Variants in EXOC4 observed in about 807,000 individuals in gnomAD.
EXOC4 encodes the protein SEC8-like 1.
In EXOC4, 71 loss-of-function variants were observed where a neutral mutation model predicts 107.2. That is an observed-to-expected ratio of 0.66 (90% CI 0.55 to 0.81). The LOEUF (loss-of-function observed/expected upper bound fraction) is 0.81, where lower values mean the gene tolerates loss of function less well. Ranked by LOEUF, EXOC4 falls within the 30% of genes least tolerant of loss-of-function variation. The pLI is 0.00. For missense variants in EXOC4, 1,108 were observed against 1,189.6 expected (o/e 0.93, Z 1.01); for synonymous variants, 456 against 441.2 (o/e 1.03, Z -0.42).
chr7:133,767,454 TACAC>T (rs1255206344), intron 10 of EXOC4, among the ~76,000 whole-genome samples: 2 of 151,634 alleles, frequency 1.3e-5, no homozygotes, highest in Admixed American at 6.6e-5. Flanking sequence ...CACACACACA[TACAC>T]ACACACCCCT....
chr7:133,393,615 A>T (rs1298119977), intron 7 of EXOC4, among the ~76,000 whole-genome samples: 2 of 152,120 alleles, frequency 1.3e-5, no homozygotes, highest in Non-Finnish European at 2.9e-5. Flanking sequence ...TCATGAATGG[A>T]ATTAGTGCCC....
intron 7 of EXOC4, among the ~76,000 whole-genome samples, chr7:133,393,663 T>G (rs1037592298): frequency 6.6e-6 from 1 of 152,188 alleles, no homozygotes; most frequent in Non-Finnish European, 1.5e-5. Context: ...TCGACAGTTC[T>G]GCCACGTGGG....
At chr7:133,715,817 C>G (rs1375998183) in intron 10 of EXOC4, among the ~76,000 whole-genome samples, 1 of 152,082 alleles carries the variant, frequency 6.6e-6, no homozygotes, top group Non-Finnish European at 1.5e-5. Context: ...CCTTTCACTC[C>G]TAAATTCTCA....
chr7:133,958,258 ATTTCT>A (rs1800862356), intron 14 of EXOC4, among the ~76,000 whole-genome samples: 1 of 104,878 alleles, frequency 9.5e-6, no homozygotes, highest in African/African-American at 3.7e-5. Flanking sequence ...AAGTACTATC[ATTTCT>A]TTTCCTTTTT....
chr7:133,303,764 G>A (rs772847676), intron 3 of EXOC4, among the ~76,000 whole-genome samples: 1 of 152,106 alleles, frequency 6.6e-6, no homozygotes, highest in Non-Finnish European at 1.5e-5. Context: ...TTGGGTCAAG[G>A]AAATATATTC....
chr7:133,384,153 A>G (rs560299129), intron 7 of EXOC4, among the ~76,000 whole-genome samples: 35 of 152,148 alleles, frequency 2.3e-4, no homozygotes, highest in Non-Finnish European at 4.3e-4. Context: ...TAGGGTGTCT[A>G]ATGCATAGTG....
At chr7:133,694,245 G>C (rs1281013261) in intron 10 of EXOC4, among the ~76,000 whole-genome samples, 1 of 131,246 alleles carries the variant, frequency 7.6e-6, no homozygotes, top group Non-Finnish European at 1.6e-5. Flanking sequence ...TGGCAACAGA[G>C]TGAGATTCCT....
At chr7:133,769,130 C>T (rs1395866173) in intron 10 of EXOC4, among the ~76,000 whole-genome samples, 1 of 151,940 alleles carries the variant, frequency 6.6e-6, no homozygotes, top group African/African-American at 2.4e-5. Context: ...CGTGCAAATG[C>T]AGGTAAAGAG....
chr7:133,866,806 C>G (rs974397268), intron 11 of EXOC4, among the ~76,000 whole-genome samples: 1 of 152,144 alleles, frequency 6.6e-6, no homozygotes, highest in African/African-American at 2.4e-5. Flanking sequence ...ATCTATGCAT[C>G]CATTGTGAAG....
At chr7:133,402,242 TA>T (rs775063223) in intron 7 of EXOC4, among the ~76,000 whole-genome samples, 2 of 152,366 alleles carry the variant, frequency 1.3e-5, no homozygotes, top group East Asian at 3.9e-4. Flanking sequence ...TAATTGCCAT[TA>T]AGTACCCACG....
intron 5 of EXOC4, among the ~76,000 whole-genome samples, chr7:133,332,213 G>A (rs1407232894): frequency 3.9e-5 from 6 of 151,994 alleles, no homozygotes; most frequent in Non-Finnish European, 7.4e-5. Flanking sequence ...TTTTCTTTTG[G>A]GTACAAGCAT....
chr7:133,911,457 A>T (rs755654760), intron 12 of EXOC4, among the ~76,000 whole-genome samples: 1 of 152,202 alleles, frequency 6.6e-6, no homozygotes, highest in Admixed American at 6.5e-5. Flanking sequence ...ATTGGTGTTC[A>T]TTCCAAATGT....
chr7:133,277,873 C>T (rs952879993), intron 2 of EXOC4, among the ~76,000 whole-genome samples: 5 of 152,146 alleles, frequency 3.3e-5, no homozygotes, highest in African/African-American at 1.2e-4. Flanking sequence ...CTTTTCCTGT[C>T]ATTTTTGGCT....
rs780319592 is a variant in EXOC4, at chr7:133,516,758, A to ATTTTTT, written c.1417+36629_1417+36634dup. Among the ~76,000 whole-genome samples the ATTTTTT allele has an allele frequency of 5.4e-3, 267 of 49,042 alleles. 24 individuals are homozygous for ATTTTTT. The highest frequency in any genetic ancestry group is 0.014 in the African/African-American group (214 of 15,748). The allele number at this position is 49,042 out of a possible 152,430, so 32.2% of individuals were successfully genotyped here. ...TGGGAAACTGCCAAACTAGCTGCTCATTTTTTTTTTTTTTACAGAATTTAT... is the reference window on the plus strand; with the variant it reads ...TGGGAAACTGCCAAACTAGCTGCTCATTTTTTTTTTTTTTTTTTTTACAGAATTTAT... On this transcript the variant is annotated intron_variant, in intron 9 of 17. Coordinates refer to ENST00000253861, the MANE Select transcript of EXOC4 (RefSeq NM_021807.4).
intron 17 of EXOC4, among the ~76,000 whole-genome samples, chr7:134,060,369 G>C (rs1462073462): frequency 6.6e-6 from 1 of 152,222 alleles, no homozygotes; most frequent in Admixed American, 6.5e-5. Flanking sequence ...ATTGACTGCT[G>C]AATATTGTAG....
At position 133,997,519 on chromosome 7, in the gene EXOC4, C is replaced by T. The variant is rs370174933; in HGVS notation, c.2234C>T (p.Thr745Met). Residue 745 changes from threonine (T) to methionine (M), a missense_variant, in exon 15 of 18, where the codon ACG becomes ATG. Transcript: ENST00000253861. ...QMLSPAQDSH[T>M]NTDLPPVSEQ... ...CTTTCTCCTGCTCAAGACAGCCACA[C>T]GAACACGGATCTCCCCCCAGTGTCA... The T allele has an allele frequency of 3.3e-5, 54 of 1,613,698 alleles. No homozygotes were observed. The highest frequency in any genetic ancestry group is 6.7e-5 in the East Asian group (3 of 44,864).
At chr7:133,627,683 TAGTGTTTGTGTC>T (rs930176016) in intron 9 of EXOC4, among the ~76,000 whole-genome samples, 4 of 152,196 alleles carry the variant, frequency 2.6e-5, no homozygotes, top group African/African-American at 9.6e-5. Context: ...ATTAAAAGTG[TAGTGTTTGTGTC>T]AGTCTTCATG....
intron 10 of EXOC4, among the ~76,000 whole-genome samples, chr7:133,690,718 A>C (rs1794400251): frequency 1.3e-5 from 2 of 152,272 alleles, no homozygotes; most frequent in South Asian, 2.1e-4. Context: ...TTTTATTAAT[A>C]TTTACATACA....
chr7:133,829,053 T>C (rs1029236113), intron 11 of EXOC4, among the ~76,000 whole-genome samples: 1 of 152,146 alleles, frequency 6.6e-6, no homozygotes, highest in African/African-American at 2.4e-5. Context: ...AAGTGGGCCC[T>C]GAGTCACTGT....
Sources: gnomAD v4.1 joint callset for allele counts (sites outside exome capture counted in the v4.1 genomes callset) on GRCh38, gnomAD v4.1.1 for gene constraint, MANE v1.5 for transcripts, NCBI Gene and HGNC (gene_info 2026-07-23, HGNC 2026-07-21) for gene names.